The following EIF4G3 variants were observed in gnomAD, a reference collection of about 807,000 sequenced individuals.
EIF4G3 encodes eukaryotic translation initiation factor 4 gamma 3.
A neutral mutation model predicts 186.4 loss-of-function variants in EIF4G3; 34 were observed. That is an observed-to-expected ratio of 0.18 (90% CI 0.14 to 0.24). The LOEUF (loss-of-function observed/expected upper bound fraction) is 0.24, where lower values mean the gene tolerates loss of function less well. Among genes scored for constraint, EIF4G3 ranks in the 10% least tolerant of loss-of-function variants. The pLI, the probability that EIF4G3 is intolerant of heterozygous loss-of-function variation, is 1.00. For synonymous variants in EIF4G3, 673 were observed against 679.5 expected, an observed-to-expected ratio of 0.99 and a Z score of 0.15; for missense variants, 1,536 against 1,948.5, an observed-to-expected ratio of 0.79 and a Z score of 3.99.
intron 17 of EIF4G3, 77 bp downstream of exon 17, chr1:20,895,291 T>C: frequency 6.7e-7 from 1 of 1,484,936 alleles, no homozygotes; most frequent in Admixed American, 2.1e-5. Context: ...AAACTGCTCA[T>C]ACTTCACATA....
At chr1:20,812,434 C>T (rs915097712) in intron 35 of EIF4G3, among the ~76,000 whole-genome samples, 2 of 152,158 alleles carry the variant, frequency 1.3e-5, no homozygotes, top group South Asian at 2.1e-4. Context: ...CATTGCAAAT[C>T]TTAAATTACA....
intron 3 of EIF4G3, among the ~76,000 whole-genome samples, chr1:21,052,030 C>T (rs1020555644): frequency 6.6e-6 from 1 of 152,008 alleles, no homozygotes; most frequent in African/African-American, 2.4e-5. Flanking sequence ...AAGAGATATA[C>T]CAAAATCTTA....
rs112004603 is a variant in EIF4G3, at chr1:20,944,625, A to G, written c.824-2295T>C. On this transcript the variant is annotated intron_variant, in intron 13 of 36. Transcript: ENST00000602326. ...TGATTCTCACATTAAATATCTAATA[A>G]GAGTATGTCAATTCAATTATTAATG... is the stretch of plus-strand genomic sequence containing the variant. Among the ~76,000 whole-genome samples, 538 of 152,296 alleles carry G rather than the reference A, an allele frequency of 3.5e-3. 5 individuals are homozygous for G. Among genetic ancestry groups the G allele is most frequent in the African/African-American group, 0.012 (507 of 41,554 alleles).
chr1:20,984,934 C>T (rs1286750807), intron 7 of EIF4G3, among the ~76,000 whole-genome samples: 2 of 152,118 alleles, frequency 1.3e-5, no homozygotes, highest in Non-Finnish European at 2.9e-5. Context: ...AAGGCAAGTA[C>T]TATTATTAAC....
chr1:21,080,503 C>T (rs948453805), intron 3 of EIF4G3, among the ~76,000 whole-genome samples: 4 of 151,614 alleles, frequency 2.6e-5, no homozygotes, highest in Admixed American at 2.0e-4. Context: ...ATAGGAATTT[C>T]TTTCTTCCTT....
rs941233918 is a variant in EIF4G3, at chr1:20,810,257, C to A, written c.4744+481G>T. On this transcript the variant is annotated intron_variant, in intron 36 of 36. Transcript: ENST00000602326. This position sits in a 1 kb window ranked among gnomAD's most constrained non-coding sequence, Gnocchi z 4.1. ...GTAACCTCCGCCTCCTGGGTTCAAG[C>A]GATTCTCCTGCCTCAGCCTCCCAAG... 6.6e-6 allele frequency among the ~76,000 whole-genome samples: 1 copy of A among 151,848 alleles called. No individual in the cohort carries two copies. Among genetic ancestry groups the A allele is most frequent in the South Asian group, 2.1e-4 (1 of 4,806 alleles).
At chr1:21,152,455 A>C (rs557797059) in intron 2 of EIF4G3, among the ~76,000 whole-genome samples, 1 of 151,692 alleles carries the variant, frequency 6.6e-6, no homozygotes, top group African/African-American at 2.4e-5. Flanking sequence ...CTAACACTAA[A>C]AAAAAAAAAC....
intron 24 of EIF4G3, 107 bp from the exon 25 acceptor site, chr1:20,857,604 G>A (rs1487978988): frequency 3.2e-6 from 3 of 941,032 alleles, no homozygotes; most frequent in Non-Finnish European, 5.2e-6. Flanking sequence ...AACAGAAGAT[G>A]TTAAAGCATT....
intron 14 of EIF4G3, 187 bp downstream of exon 14, chr1:20,941,304 G>C (rs2095703995): frequency 2.6e-6 from 4 of 1,555,586 alleles, no homozygotes; most frequent in Non-Finnish European, 3.5e-6. Context: ...TGCATTTTTA[G>C]ACAATGGAGT....
chr1:20,894,931 T>C (rs762501914), intron 17 of EIF4G3, among the ~76,000 whole-genome samples: 3 of 152,214 alleles, frequency 2.0e-5, no homozygotes, highest in Admixed American at 6.5e-5. Context: ...ATACATATTA[T>C]TTGAATCATG....
chr1:21,086,183 T>C (rs2095969214), intron 3 of EIF4G3, among the ~76,000 whole-genome samples: 1 of 149,774 alleles, frequency 6.7e-6, no homozygotes, highest in African/African-American at 2.4e-5. Flanking sequence ...AAAATATCCA[T>C]TACCTACATG....
intron 27 of EIF4G3, among the ~76,000 whole-genome samples, chr1:20,852,160 C>T (rs2073522604): frequency 6.6e-6 from 1 of 152,140 alleles, no homozygotes; most frequent in Admixed American, 6.5e-5. Flanking sequence ...ATTCTCTTGC[C>T]TCAACCTCCT....
chr1:21,130,216 CTTTTTTTTTT>C lies in EIF4G3; in HGVS notation c.-271-41013_-271-41004del, dbSNP rs71014159. On this transcript the variant is annotated intron_variant, in intron 2 of 36. Transcript: ENST00000602326. ...CTGGGCAACACAGGAGACCCCATCT[CTTTTTTTTTT>C]TTTTTTTTTTTTTTTTGAGACAAAG... Among the ~76,000 whole-genome samples the C allele has an allele frequency of 6.6e-5, 5 of 75,346 alleles. 1 individual carries two copies. Among genetic ancestry groups the C allele is most frequent in the South Asian group, 6.3e-4 (1 of 1,596 alleles). 49.4% of individuals were successfully genotyped at this position (75,346 alleles called of 152,430 possible).
intron 4 of EIF4G3, among the ~76,000 whole-genome samples, chr1:21,009,657 C>T (rs1231515622): frequency 2.3e-5 from 3 of 130,104 alleles, no homozygotes; most frequent in Non-Finnish European, 4.9e-5. Flanking sequence ...TTGGGGGGTG[C>T]TGGGGGGGTA....
At chr1:20,898,307 T>A (rs889165875) in intron 16 of EIF4G3, among the ~76,000 whole-genome samples, 3 of 152,142 alleles carry the variant, frequency 2.0e-5, no homozygotes, top group Middle Eastern at 6.8e-3. Flanking sequence ...CTGGGCAACA[T>A]AGTGAGACCC....
intron 20 of EIF4G3, among the ~76,000 whole-genome samples, chr1:20,878,907 A>G (rs2081575957): frequency 6.6e-6 from 1 of 152,250 alleles, no homozygotes; most frequent in African/African-American, 2.4e-5. Context: ...TGACTACAGA[A>G]CAACTATCCT....
At chr1:21,067,621 C>T (rs567883993) in intron 3 of EIF4G3, among the ~76,000 whole-genome samples, 107 of 152,114 alleles carry the variant, frequency 7.0e-4, no homozygotes, top group African/African-American at 2.4e-3. Context: ...TGTATAAATG[C>T]TTTTTAAGAA....
At chr1:21,122,314 G>T (rs1280661752) in intron 2 of EIF4G3, among the ~76,000 whole-genome samples, 1 of 150,998 alleles carries the variant, frequency 6.6e-6, no homozygotes, top group East Asian at 1.9e-4. Context: ...TATACGAAAA[G>T]AATAAACTGT....
intron 6 of EIF4G3, among the ~76,000 whole-genome samples, chr1:20,999,888 G>A (rs531048179): frequency 1.3e-5 from 2 of 152,064 alleles, no homozygotes; most frequent in Admixed American, 1.3e-4. Context: ...GGTGAGGACT[G>A]TTGATATAAA....
Sources: gnomAD v4.1 joint callset for allele counts (sites outside exome capture counted in the v4.1 genomes callset) on GRCh38, gnomAD v4.1.1 for gene constraint, Gnocchi (gnomAD v3.1) non-coding constraint, MANE v1.5 for transcripts, NCBI Gene and HGNC (gene_info 2026-07-23, HGNC 2026-07-21) for gene names.